TTC28: variants seen among roughly 807,000 people sequenced by gnomAD.
The protein encoded by TTC28 is tetratricopeptide repeat protein 28.
Under a neutral mutation model 198.0 loss-of-function variants are expected in TTC28, and 61 were observed. That is an observed-to-expected ratio of 0.31 (90% CI 0.25 to 0.38). The LOEUF is 0.38. Among genes scored for constraint, TTC28 ranks in the 10% least tolerant of loss-of-function variants. TTC28 has a pLI of 1.00. For missense variants in TTC28, 2,678 were observed against 3,164.0 expected (o/e 0.85, Z 3.69); for synonymous variants, 1,171 against 1,297.8 (o/e 0.90, Z 2.10).
chr22:28,269,780 G>A (rs1931931785), intron 5 of TTC28, among the ~76,000 whole-genome samples: 1 of 152,244 alleles, frequency 6.6e-6, no homozygotes, highest in Non-Finnish European at 1.5e-5. Flanking sequence ...GCTGATAACT[G>A]GGATAACCAA....
chr22:28,566,183 T>C (rs757495822), intron 2 of TTC28, among the ~76,000 whole-genome samples: 86 of 152,310 alleles, frequency 5.6e-4, no homozygotes, highest in Non-Finnish European at 7.2e-4. Flanking sequence ...CAGTTCCATT[T>C]AGGCAGTCAA....
rs1325572239 is a variant in TTC28, at chr22:28,101,139, A to C, written c.3417+32T>G. 2.7e-6 allele frequency: 4 copies of C among 1,507,516 alleles called. No individual in the cohort carries two copies. The Admixed American group carries it at 8.4e-5, about 32-fold the overall frequency. The allele number at this position is 1,507,516 out of a possible 1,614,324, so 93.4% of individuals were successfully genotyped here. ...AAAGTCTCCCATGCTTCTGGAAACA[A>C]AAAATCCACTTCAGTCAGGGGTTCT... On this transcript the variant is annotated intron_variant, in intron 9 of 22. Transcript: ENST00000397906.
intron 5 of TTC28, among the ~76,000 whole-genome samples, chr22:28,172,927 A>T (rs1922820320): frequency 6.6e-6 from 1 of 152,220 alleles, no homozygotes; most frequent in Non-Finnish European, 1.5e-5. Context: ...AATACTGTAC[A>T]TACTTCACAG....
At chr22:27,990,645 T>C (rs1283035026) in intron 20 of TTC28, 144 bp downstream of exon 20, 10 of 691,698 alleles carry the variant, frequency 1.4e-5, no homozygotes, top group Non-Finnish European at 2.4e-5. Flanking sequence ...CCAGCAGCAG[T>C]GCGCACCCGC....
At chr22:28,296,474 T>C in intron 4 of TTC28, 146 bp from the exon 5 acceptor site, 4 of 776,148 alleles carry the variant, frequency 5.2e-6, no homozygotes, top group Non-Finnish European at 7.4e-6. Context: ...ATTTGTTTCT[T>C]CCACAAGACC....
chr22:28,092,845 G>A (rs907816597), intron 12 of TTC28, among the ~76,000 whole-genome samples: 2 of 152,186 alleles, frequency 1.3e-5, no homozygotes, highest in African/African-American at 2.4e-5. Flanking sequence ...ATGCACAGCA[G>A]TCACAGGATA....
At chr22:28,152,274 G>A (rs1943626322) in intron 6 of TTC28, among the ~76,000 whole-genome samples, 1 of 152,102 alleles carries the variant, frequency 6.6e-6, no homozygotes, top group Non-Finnish European at 1.5e-5. Flanking sequence ...CTTCTCCCTG[G>A]GCATGAACAG....
chr22:28,595,355 T>C (rs1394283178), intron 2 of TTC28, among the ~76,000 whole-genome samples: 3 of 152,228 alleles, frequency 2.0e-5, no homozygotes, highest in Non-Finnish European at 4.4e-5. Flanking sequence ...GGAGAATGGT[T>C]TAATGTAAAA....
intron 5 of TTC28, among the ~76,000 whole-genome samples, chr22:28,285,202 A>G (rs1270325661): frequency 6.6e-6 from 1 of 152,228 alleles, no homozygotes; most frequent in Non-Finnish European, 1.5e-5. Flanking sequence ...ACAATGAAAT[A>G]TTATTCAGCC....
intron 2 of TTC28, among the ~76,000 whole-genome samples, chr22:28,473,020 A>G (rs1476587044): frequency 6.6e-6 from 1 of 152,214 alleles, no homozygotes; most frequent in African/African-American, 2.4e-5. Flanking sequence ...AGGTAAGCAA[A>G]AGAGCCTCAG....
rs902277468 is a variant in TTC28, at chr22:28,005,365, G to C, written c.4219-3812C>G. ...GCAGTCTTTGTACAAGGAGAGGGTT[G>C]TTCCTTCTGACAGGGTGGGCAGTGA... On this transcript the variant is annotated intron_variant, in intron 14 of 22. Transcript: ENST00000397906. The surrounding 1 kb of genome is among the most constrained non-coding windows in gnomAD (Gnocchi z 4.9). 6.6e-6 allele frequency among the ~76,000 whole-genome samples: 1 copy of C among 152,220 alleles called. No homozygotes were observed. The highest frequency in any genetic ancestry group is 6.5e-5 in the Admixed American group (1 of 15,288).
chr22:28,633,474 C>CA (rs2051213982), intron 1 of TTC28, among the ~76,000 whole-genome samples: 1 of 151,702 alleles, frequency 6.6e-6, no homozygotes, highest in South Asian at 2.1e-4. Flanking sequence ...ACAAAAAAGA[C>CA]AAAAAATAGC....
chr22:28,176,885 T>C (rs750107309), intron 5 of TTC28, among the ~76,000 whole-genome samples: 25 of 152,236 alleles, frequency 1.6e-4, no homozygotes, highest in Non-Finnish European at 3.2e-4. Context: ...ACCTTACACA[T>C]TTAACAAAAA....
intron 2 of TTC28, among the ~76,000 whole-genome samples, chr22:28,328,850 C>A (rs1197946774): frequency 2.7e-5 from 4 of 149,792 alleles, no homozygotes; most frequent in African/African-American, 4.9e-5. Context: ...GATAAGCTAA[C>A]CAAAGAAAAA....
chr22:28,661,365 AT>A (rs141759995), intron 1 of TTC28, among the ~76,000 whole-genome samples: 181 of 152,302 alleles, frequency 1.2e-3, no homozygotes, highest in African/African-American at 4.2e-3. Flanking sequence ...TCCAAGAAAC[AT>A]TTATATCAGG....
At chr22:28,621,331 G>T (rs1017331763) in intron 2 of TTC28, among the ~76,000 whole-genome samples, 11 of 152,144 alleles carry the variant, frequency 7.2e-5, no homozygotes, top group Admixed American at 3.3e-4. Flanking sequence ...AACAAAGTAA[G>T]AATGAAACTA....
chr22:28,020,175 G>A (rs956000636), intron 13 of TTC28, among the ~76,000 whole-genome samples: 3 of 152,196 alleles, frequency 2.0e-5, no homozygotes, highest in Non-Finnish European at 4.4e-5. Flanking sequence ...TGCGGCTCCG[G>A]GCTTCACAGC....
intron 2 of TTC28, among the ~76,000 whole-genome samples, chr22:28,387,684 T>G (rs1180017113): frequency 1.3e-5 from 2 of 152,232 alleles, no homozygotes; most frequent in South Asian, 4.1e-4. Flanking sequence ...CACTTTTTGA[T>G]GGGGTTGTTT....
intron 5 of TTC28, among the ~76,000 whole-genome samples, chr22:28,196,304 C>T (rs1925330438): frequency 6.6e-6 from 1 of 152,140 alleles, no homozygotes; most frequent in African/African-American, 2.4e-5. Flanking sequence ...GGATAAAAGA[C>T]TTAAATGTTA....
Sources: allele counts gnomAD v4.1 joint callset (sites outside exome capture counted in the v4.1 genomes callset), GRCh38; gene constraint gnomAD v4.1.1; non-coding constraint Gnocchi (gnomAD v3.1); transcripts MANE v1.5; gene names NCBI Gene and HGNC (gene_info 2026-07-23, HGNC 2026-07-21).